The following EMC2 variants were observed in gnomAD, a reference collection of about 807,000 sequenced individuals.
EMC2 encodes the protein TPR repeat protein 35.
Under a neutral mutation model 51.6 loss-of-function variants are expected in EMC2, and 37 were observed. The observed-to-expected ratio is 0.72, with a 90% confidence interval of 0.55 to 0.94. EMC2 has a LOEUF of 0.94. Among genes scored for constraint, EMC2 ranks in the 40% least tolerant of loss-of-function variants. The pLI, the probability that EMC2 is intolerant of heterozygous loss-of-function variation, is 0.00. For missense variants in EMC2, 359 were observed against 350.9 expected, an observed-to-expected ratio of 1.02 and a Z score of -0.18; for synonymous variants, 131 against 112.4, an observed-to-expected ratio of 1.17 and a Z score of -1.04.
intron 5 of EMC2, among the ~76,000 whole-genome samples, chr8:108,456,940 T>C (rs1486479423): frequency 6.6e-6 from 1 of 152,214 alleles, no homozygotes; most frequent in Admixed American, 6.5e-5. Context: ...GGAGAAATTG[T>C]TGTATTAACA....
intron 5 of EMC2, among the ~76,000 whole-genome samples, chr8:108,467,993 A>G (rs1362947208): frequency 6.6e-6 from 1 of 152,202 alleles, no homozygotes; most frequent in African/African-American, 2.4e-5. Context: ...AGGTTTGTAG[A>G]GGTTAAAACT....
chr8:108,486,465 C>A, intron 10 of EMC2, 47 bp from the exon 11 acceptor site: 2 of 1,479,520 alleles, frequency 1.4e-6, no homozygotes, highest in South Asian at 1.5e-5. Flanking sequence ...TTTAACCTGC[C>A]ACTGAAATTG....
intron 5 of EMC2, among the ~76,000 whole-genome samples, chr8:108,457,549 C>A (rs1819200470): frequency 6.6e-6 from 1 of 152,084 alleles, no homozygotes. Flanking sequence ...CAAGTTAAAT[C>A]TACTGTAGAT....
intron 5 of EMC2, among the ~76,000 whole-genome samples, chr8:108,456,236 G>A (rs935671300): frequency 6.7e-6 from 1 of 150,224 alleles, no homozygotes; most frequent in African/African-American, 2.5e-5. Flanking sequence ...AGGAGGCTGA[G>A]GCAGGAGAAT....
rs1437548561 is a variant in EMC2, at chr8:108,479,255, T to C, written c.807+145T>C. 1.3e-5 allele frequency: 5 copies of C among 399,372 alleles called. No homozygotes were observed. The Admixed American group carries it at 2.2e-4, about 18-fold the overall frequency. The allele number at this position is 399,372 out of a possible 1,614,324, so 24.7% of individuals were successfully genotyped here. A position where few individuals can be genotyped will look rare whatever the true frequency, so the allele number is the denominator to read the frequency against. ...CAAATGTGTTGTGTTTTGAATTAATTTGTAGTTTTAAGATTACCTTTTTTT... is the reference window on the plus strand; with the variant it reads ...CAAATGTGTTGTGTTTTGAATTAATCTGTAGTTTTAAGATTACCTTTTTTT... On this transcript the variant is annotated intron_variant, in intron 10 of 10. Transcript: ENST00000220853.
At chr8:108,470,937 G>C (rs772737205) in intron 7 of EMC2, 1 of 151,988 alleles carries the variant, frequency 6.6e-6, no homozygotes, top group Non-Finnish European at 1.5e-5. Flanking sequence ...ATGAGAAACA[G>C]AATGAAGACA....
At chr8:108,467,136 C>G (rs1485132657) in intron 5 of EMC2, among the ~76,000 whole-genome samples, 1 of 152,158 alleles carries the variant, frequency 6.6e-6, no homozygotes, top group Non-Finnish European at 1.5e-5. Context: ...ATTTATTCTG[C>G]AGATAGCTAC....
chr8:108,446,541 C>G (rs1818881894), intron 1 of EMC2, among the ~76,000 whole-genome samples: 1 of 151,992 alleles, frequency 6.6e-6, no homozygotes, highest in Non-Finnish European at 1.5e-5. Flanking sequence ...CTTAGATATA[C>G]AAAACTCCCA....
chr8:108,453,065 T>C lies in EMC2; in HGVS notation c.223T>C (p.Cys75Arg). ...TACTCAACCCTTATTTTTTCAGTTT[T>C]GTCTTCAAGAGCTGAGAAGACAGTT... is the stretch of plus-strand genomic sequence containing the variant. ...DYGRDDLALF[C>R]LQELRRQFPG... Residue 75 changes from cysteine to arginine, a missense_variant, in exon 4 of 11, where the codon TGT (cysteine) becomes CGT (arginine). Cys to Arg is a radical substitution (Grantham distance 180). Coordinates refer to ENST00000220853, the MANE Select transcript of EMC2 (RefSeq NM_014673.5). 6.3e-7 allele frequency: 1 copy of C among 1,586,426 alleles called. No individual in the cohort carries two copies. Among genetic ancestry groups the C allele is most frequent in the Admixed American group, 1.8e-5 (1 of 56,190 alleles).
chr8:108,457,957 A>G (rs1383324411), intron 5 of EMC2, among the ~76,000 whole-genome samples: 1 of 152,210 alleles, frequency 6.6e-6, no homozygotes, highest in Non-Finnish European at 1.5e-5. Flanking sequence ...AAGGCAAGTT[A>G]GTTACTTCCT....
intron 5 of EMC2, among the ~76,000 whole-genome samples, chr8:108,458,658 A>G (rs1460113688): frequency 6.6e-6 from 1 of 152,104 alleles, no homozygotes; most frequent in Non-Finnish European, 1.5e-5. Context: ...TAGGTTGCAC[A>G]CTGCACGGGA....
intron 1 of EMC2, among the ~76,000 whole-genome samples, chr8:108,447,937 TAAAAG>T (rs1419095216): frequency 2.6e-5 from 4 of 152,008 alleles, no homozygotes; most frequent in Non-Finnish European, 5.9e-5. Flanking sequence ...TTTTAAAAAA[TAAAAG>T]TAACTAGAAT....
At position 108,475,936 on chromosome 8, in the gene EMC2, C is replaced by T; in HGVS notation, c.564C>T (p.Asn188=). ...LEELMMTNPH[N]HLYCQQYAEV... The stretch of plus-strand genomic sequence containing the variant: ...AACTAATGATGACTAATCCACACAA[C>T]CACTTATACTGTCAGCAGTATGCTG... The change falls in exon 8 of 11, where the codon AAC becomes AAT. Residue 188 remains asparagine, a synonymous_variant. Transcript: ENST00000220853. 6.3e-7 allele frequency: 1 copy of T among 1,598,536 alleles called. No individual in the cohort carries two copies. The highest frequency in any genetic ancestry group is 8.5e-7 in the Non-Finnish European group (1 of 1,171,430).
intron 5 of EMC2, chr8:108,464,250 G>C (rs1819408944): frequency 6.6e-6 from 1 of 152,156 alleles, no homozygotes; most frequent in Non-Finnish European, 1.5e-5. Flanking sequence ...ACTGAAAAAG[G>C]GTTCCTTTTG....
At chr8:108,476,639 C>T (rs776787086) in intron 8 of EMC2, 143 bp from the exon 9 acceptor site, 17 of 473,112 alleles carry the variant, frequency 3.6e-5, no homozygotes, top group Non-Finnish European at 5.7e-5. Context: ...CTTTAAAAAC[C>T]TTTAGGTGAA....
At chr8:108,461,577 C>T (rs906546433) in intron 5 of EMC2, among the ~76,000 whole-genome samples, 2 of 152,058 alleles carry the variant, frequency 1.3e-5, no homozygotes, top group Admixed American at 6.5e-5. Context: ...TATTAAAGTA[C>T]AAGCATTATT....
chr8:108,443,663 C>G lies in EMC2; in HGVS notation c.5C>G (p.Ala2Gly). 6.2e-7 allele frequency: 1 copy of G among 1,609,254 alleles called. No homozygotes were observed. The highest frequency in any genetic ancestry group is 8.5e-7 in the Non-Finnish European group (1 of 1,177,690). The change falls in exon 1 of 11, where the codon GCG becomes GGG. Residue 2 changes from alanine (A) to glycine (G), a missense_variant. By Grantham distance (60) the Ala-to-Gly change is moderately conservative. Coordinates refer to ENST00000220853, the MANE Select transcript of EMC2 (RefSeq NM_014673.5). ...CTGCCTCTAGGTTCTGGGAAGATGG[C>G]GAAGGTCTCAGAGCTTTACGATGTC... is the stretch of plus-strand genomic sequence containing the variant. M[A>G]KVSELYDVTW...
chr8:108,479,338 A>G (rs1227054244), intron 10 of EMC2, among the ~76,000 whole-genome samples: 6 of 152,122 alleles, frequency 3.9e-5, no homozygotes, highest in African/African-American at 1.2e-4. Context: ...CCATATGGAA[A>G]TCTCAGTGGT....
At chr8:108,459,719 A>AGT (rs1322558485) in intron 5 of EMC2, among the ~76,000 whole-genome samples, 36 of 128,980 alleles carry the variant, frequency 2.8e-4, no homozygotes, top group African/African-American at 1.4e-3. Context: ...AGAGAGAGAG[A>AGT]GAGTGTGTGT....
Sources: gnomAD v4.1 joint callset for allele counts (sites outside exome capture counted in the v4.1 genomes callset) on GRCh38, gnomAD v4.1.1 for gene constraint, MANE v1.5 for transcripts, NCBI Gene and HGNC (gene_info 2026-07-23, HGNC 2026-07-21) for gene names.